PPAT: variants seen among roughly 807,000 people sequenced by gnomAD.
The protein encoded by PPAT is phosphoribosyl pyrophosphate amidotransferase, also known as amidophosphoribosyltransferase.
Under a neutral mutation model 60.2 loss-of-function variants are expected in PPAT, and 20 were observed. That is an observed-to-expected ratio of 0.33 (90% CI 0.23 to 0.48). PPAT has a LOEUF of 0.48. Ranked by LOEUF, PPAT falls within the 20% of genes least tolerant of loss-of-function variation. PPAT has a pLI of 0.99. For synonymous variants in PPAT, 194 were observed against 215.1 expected (o/e 0.90, Z 0.86); for missense variants, 349 against 629.6 (o/e 0.55, Z 4.77).
chr4:56,409,721 C>T (rs1716360079), intron 1 of PPAT, among the ~76,000 whole-genome samples: 1 of 152,160 alleles, frequency 6.6e-6, no homozygotes, highest in African/African-American at 2.4e-5. Context: ...TGTTTATTGA[C>T]CAATTTTTGT....
chr4:56,419,614 G>GT (rs1716940141), intron 1 of PPAT: 3 of 944,800 alleles, frequency 3.2e-6, no homozygotes, highest in Non-Finnish European at 3.8e-6. Context: ...CCTAATGCAG[G>GT]TATCTCTACG....
chr4:56,430,678 C>T (rs866822644), intron 1 of PPAT, among the ~76,000 whole-genome samples: 10 of 149,488 alleles, frequency 6.7e-5, no homozygotes, highest in Non-Finnish European at 8.9e-5. Flanking sequence ...AACTCTTGTG[C>T]GGTTAACCCT....
At chr4:56,435,182 C>T (rs777476669) in intron 1 of PPAT, among the ~76,000 whole-genome samples, 168 bp downstream of exon 1, 2 of 152,216 alleles carry the variant, frequency 1.3e-5, no homozygotes, top group Admixed American at 1.3e-4. Flanking sequence ...AAGCGAGGTG[C>T]CCCTCGTGCA....
intron 3 of PPAT, chr4:56,403,926 T>TTAC: frequency 2.8e-6 from 1 of 355,904 alleles, no homozygotes; most frequent in Non-Finnish European, 5.7e-6. Flanking sequence ...AGAGCTCAGG[T>TTAC]GGTAATAGTG....
chr4:56,409,799 T>C (rs1716362936), intron 1 of PPAT, among the ~76,000 whole-genome samples: 2 of 152,266 alleles, frequency 1.3e-5, no homozygotes, highest in Admixed American at 1.3e-4. Flanking sequence ...TAGACTTTAG[T>C]AGCTGTTAAT....
At chr4:56,406,770 C>A in intron 2 of PPAT, 69 bp from the exon 3 acceptor site, 2 of 1,052,922 alleles carry the variant, frequency 1.9e-6, no homozygotes, top group South Asian at 1.4e-5. Flanking sequence ...CGCCTCTCTT[C>A]TCTGCCCAGC....
At chr4:56,420,995 G>A (rs1469397814) in intron 1 of PPAT, 1 of 152,198 alleles carries the variant, frequency 6.6e-6, no homozygotes, top group Non-Finnish European at 1.5e-5. Flanking sequence ...CTGGTCCGTG[G>A]CCTGTTACGA....
rs1172878331 is a variant in PPAT at position 56,401,474 on chromosome 4, G to A, written c.742C>T (p.Arg248Cys). The stretch of plus-strand genomic sequence containing the variant: ...ACAATTTCTCCAGGCAAGACTTCAC[G>A]GTAATATCTTGGGAAACAATGTTAA... ...SFLSIGARYY[R>C]EVLPGEIVEI... is the part of the protein sequence containing the mutation. The change falls in exon 7 of 11, where the codon CGT becomes TGT. Residue 248 changes from arginine (R) to cysteine (C), a missense_variant. Around this residue, in one of 5 missense-constraint regions of PPAT, gnomAD observed 167 missense variants for 328.6 expected, o/e 0.51. Transcript: ENST00000264220. The A allele has an allele frequency of 1.4e-5, 22 of 1,593,712 alleles. No homozygotes were observed. Among genetic ancestry groups the A allele is most frequent in the African/African-American group, 2.7e-5 (2 of 73,886 alleles).
intron 1 of PPAT, among the ~76,000 whole-genome samples, chr4:56,424,853 C>A (rs1578134185): frequency 6.6e-6 from 1 of 152,190 alleles, no homozygotes. Flanking sequence ...TGTATTCCCG[C>A]AAGCCACTGC....
intron 10 of PPAT, 74 bp from the exon 11 acceptor site, chr4:56,395,622 G>C: frequency 2.0e-6 from 2 of 997,138 alleles, no homozygotes; most frequent in Non-Finnish European, 1.3e-6. Flanking sequence ...ACAGAGAATA[G>C]TTACAAACAG....
rs1407892937 is a variant in PPAT at position 56,435,606 on chromosome 4, C to A, written c.-129G>T. 1.3e-6 allele frequency: 2 copies of A among 1,523,524 alleles called. No homozygotes were observed. Among genetic ancestry groups the A allele is most frequent in the East Asian group, 4.6e-5 (2 of 43,410 alleles). The allele number at this position is 1,523,524 out of a possible 1,614,324, so 94.4% of individuals were successfully genotyped here. A position where few individuals can be genotyped will look rare whatever the true frequency, so the allele number is the denominator to read the frequency against. ...CAGGCTCTTCCTTCCCGAGGGTGGC[C>A]CCAGCTACTGCGGCGGCGCGCGCTG... On this transcript the variant is annotated 5_prime_UTR_variant, in exon 1 of 11. Coordinates refer to ENST00000264220, the MANE Select transcript of PPAT (RefSeq NM_002703.5).
Position 56,396,831 on chromosome 4 carries a change from T to C in PPAT, c.1237-92A>G. The C allele has an allele frequency of 7.6e-7, 1 of 1,315,354 alleles. No individual in the cohort carries two copies. The highest frequency in any genetic ancestry group is 1.0e-6 in the Non-Finnish European group (1 of 964,082). 81.5% of individuals were successfully genotyped at this position (1,315,354 alleles called of 1,614,324 possible). ...AATACAAAATTGTTTTGCAGAATAT[T>C]CAGTAACAACATATGGGTAATAAAT... On this transcript the variant is annotated intron_variant, in intron 9 of 10. Coordinates refer to ENST00000264220, the MANE Select transcript of PPAT (RefSeq NM_002703.5). This position sits in a 1 kb window ranked among gnomAD's most constrained non-coding sequence, Gnocchi z 4.6.
Position 56,394,297 on chromosome 4 carries a change from C to G in PPAT, c.*1055G>C, listed in dbSNP as rs959504116. On this transcript the variant is annotated 3_prime_UTR_variant, in exon 11 of 11. Coordinates refer to ENST00000264220, the MANE Select transcript of PPAT (RefSeq NM_002703.5). ...AGTGGTTGTCTCTTTGATCCTTAAACAAAACTGGCCCCTATTGTGTCTGTA... is the reference window on the plus strand; with the variant it reads ...AGTGGTTGTCTCTTTGATCCTTAAAGAAAACTGGCCCCTATTGTGTCTGTA... 1.3e-5 allele frequency: 2 copies of G among 152,050 alleles called. No homozygotes were observed. Among genetic ancestry groups the G allele is most frequent in the African/African-American group, 4.8e-5 (2 of 41,420 alleles). The allele number at this position is 152,050 out of a possible 1,614,324, so 9.4% of individuals were successfully genotyped here. A position where few individuals can be genotyped will look rare whatever the true frequency, so the allele number is the denominator to read the frequency against.
intron 5 of PPAT, among the ~76,000 whole-genome samples, 188 bp downstream of exon 5, chr4:56,402,852 G>T (rs1716150608): frequency 6.9e-6 from 1 of 144,598 alleles, no homozygotes; most frequent in Non-Finnish European, 1.5e-5. Flanking sequence ...AAAAAAAGGG[G>T]GGGGACTCAT....
At position 56,433,407 on chromosome 4, in the gene PPAT, A is replaced by G. The variant is rs1333536107; in HGVS notation, c.128+1943T>C. 5.3e-5 allele frequency among the ~76,000 whole-genome samples: 8 copies of G among 149,722 alleles called. No homozygotes were observed. The South Asian group carries it at 1.3e-3, about 23-fold the overall frequency. ...TCAAATGGTATTCATTAAAAAAAAA[A>G]AAAAAGAAAAAAAAAACCTATAACC... is the stretch of plus-strand genomic sequence containing the variant. On this transcript the variant is annotated intron_variant, in intron 1 of 10. Transcript: ENST00000264220.
intron 8 of PPAT, chr4:56,400,277 C>G (rs1716080134): frequency 6.6e-6 from 1 of 152,262 alleles, no homozygotes; most frequent in African/African-American, 2.4e-5. Context: ...TTTTCTCCTC[C>G]TTATGATTTT....
rs1560637054 is a variant in PPAT, at chr4:56,399,169, T to A, written c.1236+10A>T. 2 of 1,592,830 alleles carry A rather than the reference T, an allele frequency of 1.3e-6. No homozygotes were observed. The highest frequency in any genetic ancestry group is 1.7e-6 in the Non-Finnish European group (2 of 1,161,026). ...ACTTATGCTTTAGGATATGTTTTAATATTACTTACCTCTTTTGCACCAGAT... is the reference window on the plus strand; with the variant it reads ...ACTTATGCTTTAGGATATGTTTTAAAATTACTTACCTCTTTTGCACCAGAT... On this transcript the variant is annotated intron_variant, in intron 9 of 10. Transcript: ENST00000264220.
At chr4:56,434,425 A>T (rs796624188) in intron 1 of PPAT, among the ~76,000 whole-genome samples, 6 of 152,358 alleles carry the variant, frequency 3.9e-5, no homozygotes, top group African/African-American at 1.4e-4. Context: ...TAATACTTTC[A>T]GTAAGAATAT....
In PPAT at chr4:56,406,636, A is replaced by C; in HGVS notation, c.261T>G (p.Leu87=). 2 of 1,613,210 alleles carry C rather than the reference A, an allele frequency of 1.2e-6. No homozygotes were observed. Among genetic ancestry groups the C allele is most frequent in the Non-Finnish European group, 1.7e-6 (2 of 1,179,146 alleles). Residue 87 remains leucine, a synonymous_variant, in exon 3 of 11, where the codon CTT becomes CTG. Coordinates refer to ENST00000264220, the MANE Select transcript of PPAT (RefSeq NM_002703.5). ...DNLKKLYVSN[L]GIGHTRYATT... ...TGGCATACCTGGTGTGTCCAATTCC[A>C]AGATTTGAAACATATAATTTTTTCA...
Sources: allele counts gnomAD v4.1 joint callset (sites outside exome capture counted in the v4.1 genomes callset), GRCh38; gene constraint gnomAD v4.1.1; regional missense constraint gnomAD v4.1.1; non-coding constraint Gnocchi (gnomAD v3.1); transcripts MANE v1.5; gene names NCBI Gene and HGNC (gene_info 2026-07-23, HGNC 2026-07-21).